Variants in MAGI2 observed in about 807,000 individuals in gnomAD.
MAGI2 encodes the protein membrane-associated guanylate kinase, WW and PDZ domain-containing protein 2.
MAGI2 carries 35 observed loss-of-function variants against 133.3 expected under a neutral mutation model. That is an observed-to-expected ratio of 0.26 (90% CI 0.20 to 0.35). The LOEUF (loss-of-function observed/expected upper bound fraction) is 0.35. Among genes scored for constraint, MAGI2 ranks in the 10% least tolerant of loss-of-function variants. The probability of loss-of-function intolerance (pLI) is 1.00; values close to 1 mark genes in which losing one functional copy is unlikely to be tolerated. For missense variants in MAGI2, 1,636 were observed against 1,863.4 expected (o/e 0.88, Z 2.25); for synonymous variants, 729 against 710.6 (o/e 1.03, Z -0.41).
chr7:78,369,824 G>A (rs1386785492), intron 6 of MAGI2, among the ~76,000 whole-genome samples: 6 of 151,576 alleles, frequency 4.0e-5, no homozygotes, highest in African/African-American at 1.5e-4. Context: ...ATTCTCCATA[G>A]CTAATTTTAA....
chr7:79,062,448 G>A (rs376516138), intron 1 of MAGI2, among the ~76,000 whole-genome samples: 75 of 152,180 alleles, frequency 4.9e-4, no homozygotes, highest in African/African-American at 1.7e-3. Context: ...TTGAAGCTCC[G>A]TCTGGCTCCT....
intron 2 of MAGI2, among the ~76,000 whole-genome samples, chr7:78,882,992 G>C (rs1795994368): frequency 6.6e-6 from 1 of 152,210 alleles, no homozygotes; most frequent in South Asian, 2.1e-4. Flanking sequence ...ATGTAGTATT[G>C]GAAGTCTAGC....
At chr7:78,622,829 A>G (rs1807892603) in intron 3 of MAGI2, among the ~76,000 whole-genome samples, 1 of 152,024 alleles carries the variant, frequency 6.6e-6, no homozygotes, top group Admixed American at 6.6e-5. Flanking sequence ...CCATGTATAC[A>G]ATGTGTATTT....
chr7:78,913,612 A>G (rs1798577437), intron 2 of MAGI2, among the ~76,000 whole-genome samples: 1 of 152,116 alleles, frequency 6.6e-6, no homozygotes, highest in Non-Finnish European at 1.5e-5. Context: ...TTCCTTTCCT[A>G]TCATTCTGTT....
At chr7:78,777,360 A>G (rs756562912) in intron 2 of MAGI2, among the ~76,000 whole-genome samples, 16 of 152,316 alleles carry the variant, frequency 1.1e-4, no homozygotes, top group South Asian at 4.1e-4. Flanking sequence ...TCCTCATATC[A>G]GTTGTATAGT....
intron 1 of MAGI2, among the ~76,000 whole-genome samples, chr7:79,033,168 A>T (rs1810770293): frequency 1.3e-5 from 2 of 152,168 alleles, no homozygotes. Flanking sequence ...TGAAACAAAA[A>T]TCCTGGATGT....
At chr7:78,224,759 T>C (rs1389048077) in intron 10 of MAGI2, among the ~76,000 whole-genome samples, 1 of 147,722 alleles carries the variant, frequency 6.8e-6, no homozygotes, top group Non-Finnish European at 1.5e-5. Context: ...ATCAGGTAAA[T>C]AACAGACAGT....
intron 1 of MAGI2, among the ~76,000 whole-genome samples, chr7:79,278,608 T>C (rs979584102): frequency 6.6e-6 from 1 of 152,154 alleles, no homozygotes; most frequent in South Asian, 2.1e-4. Context: ...TTCTCTTTCA[T>C]AGTACTGACC....
In MAGI2 at chr7:79,443,483, T is replaced by C. The variant is rs574278210; in HGVS notation, c.301+9537A>G. 1.9e-3 allele frequency among the ~76,000 whole-genome samples: 282 copies of C among 152,300 alleles called. 3 individuals carry two copies. Among genetic ancestry groups the C allele is most frequent in the African/African-American group, 6.6e-3 (274 of 41,570 alleles). ...GACAATTCATATCTCTGAAACTTAT[T>C]GGTGTTTACAAAATCCAGCTAATCA... On this transcript the variant is annotated intron_variant, in intron 1 of 21. Transcript: ENST00000354212.
Position 79,156,030 on chromosome 7 carries a change from G to A in MAGI2, c.302-148824C>T, listed in dbSNP as rs139731464. ...TGGAATGTTGCTTCTTTTCATGCCT[G>A]AACTCTTTCAAAATCAGACTGTGAT... On this transcript the variant is annotated intron_variant, in intron 1 of 21. Coordinates refer to ENST00000354212, the MANE Select transcript of MAGI2 (RefSeq NM_012301.4). 2.8e-3 allele frequency among the ~76,000 whole-genome samples: 424 copies of A among 152,202 alleles called. 3 individuals carry two copies. Among genetic ancestry groups the A allele is most frequent in the African/African-American group, 9.3e-3 (386 of 41,548 alleles).
At chr7:78,223,734 C>CT (rs943862395) in intron 10 of MAGI2, among the ~76,000 whole-genome samples, 9 of 151,948 alleles carry the variant, frequency 5.9e-5, no homozygotes, top group East Asian at 1.9e-4. Flanking sequence ...TATACTGCCC[C>CT]TTTTTTTTCA....
At chr7:78,267,917 A>C (rs1794174211) in intron 9 of MAGI2, among the ~76,000 whole-genome samples, 1 of 152,170 alleles carries the variant, frequency 6.6e-6, no homozygotes, top group Non-Finnish European at 1.5e-5. Flanking sequence ...TGCTGTTTCC[A>C]ATGTTACAAT....
intron 1 of MAGI2, among the ~76,000 whole-genome samples, chr7:79,335,053 A>G (rs544132889): frequency 2.5e-4 from 38 of 152,266 alleles, no homozygotes; most frequent in African/African-American, 7.9e-4. Context: ...TGGCTGAGCT[A>G]CGACTTGGTG....
chr7:78,342,008 T>C (rs533445986), intron 9 of MAGI2, among the ~76,000 whole-genome samples: 16 of 151,984 alleles, frequency 1.1e-4, no homozygotes, highest in African/African-American at 3.9e-4. Flanking sequence ...GAAACTATCA[T>C]CAAAGTGAAC....
At chr7:79,147,408 T>A (rs1344167993) in intron 1 of MAGI2, among the ~76,000 whole-genome samples, 2 of 152,184 alleles carry the variant, frequency 1.3e-5, no homozygotes, top group African/African-American at 4.8e-5. Flanking sequence ...CCGTAGTGGA[T>A]CCTCCTCTAG....
intron 3 of MAGI2, among the ~76,000 whole-genome samples, chr7:78,569,670 A>T (rs866368610): frequency 6.6e-5 from 10 of 152,332 alleles, no homozygotes; most frequent in Middle Eastern, 3.4e-3. Flanking sequence ...TCAAACGATT[A>T]TTTTTGTGCA....
At chr7:78,231,235 G>A (rs1789937360) in intron 10 of MAGI2, among the ~76,000 whole-genome samples, 1 of 152,230 alleles carries the variant, frequency 6.6e-6, no homozygotes, top group Non-Finnish European at 1.5e-5. Flanking sequence ...AAGCTTGCGT[G>A]CAGCAGAAAG....
chr7:79,255,131 A>G (rs1481772957), intron 1 of MAGI2, among the ~76,000 whole-genome samples: 2 of 152,142 alleles, frequency 1.3e-5, no homozygotes, highest in Non-Finnish European at 2.9e-5. Context: ...TAAACTTGTG[A>G]TACTTTCATT....
chr7:78,332,415 T>C (rs1218391115), intron 9 of MAGI2, among the ~76,000 whole-genome samples: 1 of 152,028 alleles, frequency 6.6e-6, no homozygotes, highest in African/African-American at 2.4e-5. Flanking sequence ...AAAAGGAGAG[T>C]AGGCTGGGCG....
Sources: allele counts gnomAD v4.1 joint callset (sites outside exome capture counted in the v4.1 genomes callset), GRCh38; gene constraint gnomAD v4.1.1; transcripts MANE v1.5; gene names NCBI Gene and HGNC (gene_info 2026-07-23, HGNC 2026-07-21).